The following CREBRF variants were observed in gnomAD, a reference collection of about 807,000 sequenced individuals.
The protein encoded by CREBRF is UPF0474 protein C5orf41.
Under a neutral mutation model 66.1 loss-of-function variants are expected in CREBRF, and 5 were observed. That is an observed-to-expected ratio of 0.08 (90% confidence interval 0.04 to 0.16). The LOEUF is 0.16. Ranked by LOEUF, CREBRF falls within the 10% of genes least tolerant of loss-of-function variation. The pLI is 1.00. For missense variants in CREBRF, 531 were observed against 744.9 expected (o/e 0.71, Z 3.34); for synonymous variants, 229 against 264.4 (o/e 0.87, Z 1.30).
At chr5:173,065,589 C>T (rs435216) in intron 1 of CREBRF, among the ~76,000 whole-genome samples, 55,814 of 146,302 alleles carry the variant, frequency 0.38, 11,379 homozygotes, top group Non-Finnish European at 0.45. Context: ...TTTATTTCAC[C>T]TCCCACCCTC....
chr5:173,073,971 T>TA (rs1474191319), intron 1 of CREBRF, among the ~76,000 whole-genome samples: 1 of 118,852 alleles, frequency 8.4e-6, no homozygotes, highest in South Asian at 2.6e-4. Flanking sequence ...GTCTAAAAAA[T>TA]AAAAAATAAA....
intron 6 of CREBRF, 117 bp downstream of exon 6, chr5:173,110,828 A>T: frequency 1.4e-6 from 1 of 693,062 alleles, no homozygotes; most frequent in South Asian, 2.7e-5. Context: ...TAAATACTAC[A>T]ATGAGAATAT....
chr5:173,075,460 TAGTA>T (rs1757731644), intron 1 of CREBRF, among the ~76,000 whole-genome samples: 2 of 152,200 alleles, frequency 1.3e-5, no homozygotes, highest in South Asian at 2.1e-4. Flanking sequence ...TGGCTTGACT[TAGTA>T]AGCATCTGAA....
At chr5:173,107,087 C>A (rs2562329) in intron 4 of CREBRF, among the ~76,000 whole-genome samples, 1 of 152,160 alleles carries the variant, frequency 6.6e-6, no homozygotes, top group Non-Finnish European at 1.5e-5. Context: ...TTCTCCACTG[C>A]CAATCCCTGG....
Position 173,137,052 on chromosome 5 carries a change from A to G in CREBRF, c.*3307A>G, listed in dbSNP as rs1010480993. ...GTCTCCATATGAAAGCATGCTGTCCAGTCGCTCTTGTTAAGATCTTGTCTG... is the reference window on the plus strand; with the variant it reads ...GTCTCCATATGAAAGCATGCTGTCCGGTCGCTCTTGTTAAGATCTTGTCTG... On this transcript the variant is annotated 3_prime_UTR_variant, in exon 9 of 9. Transcript: ENST00000296953. 2.6e-5 allele frequency: 4 copies of G among 152,042 alleles called. No homozygotes were observed. The highest frequency in any genetic ancestry group is 5.9e-5 in the Non-Finnish European group (4 of 67,910). 9.4% of individuals were successfully genotyped at this position (152,042 alleles called of 1,614,324 possible).
intron 8 of CREBRF, among the ~76,000 whole-genome samples, chr5:173,127,920 T>C (rs1453264117): frequency 6.6e-6 from 1 of 152,208 alleles, no homozygotes; most frequent in Admixed American, 6.5e-5. Context: ...CTTCTATATC[T>C]GTTGTTACTG....
In CREBRF at chr5:173,117,532, CTCCTCTT is replaced by C. The variant is rs1383211497; in HGVS notation, c.1681+5154_1681+5160del. 6.8e-4 allele frequency among the ~76,000 whole-genome samples: 47 copies of C among 68,934 alleles called. 1 individual carries two copies. The highest frequency in any genetic ancestry group is 8.2e-4 in the Non-Finnish European group (27 of 32,944). The allele number at this position is 68,934 out of a possible 152,430, so 45.2% of individuals were successfully genotyped here. ...TGCCTTCCCTTCCCTCCCCTCCCCT[CTCCTCTT>C]CCCTTCCCCTCCCCTCTTCCTCCCT... is the stretch of plus-strand genomic sequence containing the variant. On this transcript the variant is annotated intron_variant, in intron 7 of 8. Transcript: ENST00000296953.
At chr5:173,105,046 C>T (rs575613809) in intron 4 of CREBRF, among the ~76,000 whole-genome samples, 1 of 152,228 alleles carries the variant, frequency 6.6e-6, no homozygotes, top group East Asian at 1.9e-4. Flanking sequence ...CCCAGCTGTG[C>T]CAAATCATGT....
At chr5:173,083,767 A>G (rs1473392300) in intron 2 of CREBRF, among the ~76,000 whole-genome samples, 1 of 152,218 alleles carries the variant, frequency 6.6e-6, no homozygotes, top group Admixed American at 6.5e-5. Context: ...GCTAAGTGAA[A>G]GTACTCGATA....
At chr5:173,130,481 G>A (rs780295283) in intron 8 of CREBRF, among the ~76,000 whole-genome samples, 17 of 150,260 alleles carry the variant, frequency 1.1e-4, no homozygotes, top group Admixed American at 4.0e-4. Context: ...TATATGTTTC[G>A]TTCAACTGGA....
At chr5:173,058,037 CTT>C (rs562447555) in intron 1 of CREBRF, among the ~76,000 whole-genome samples, 10 of 142,918 alleles carry the variant, frequency 7.0e-5, no homozygotes, top group Admixed American at 7.0e-5. Flanking sequence ...CCTGGAATTT[CTT>C]TTTTTTTTTT....
intron 1 of CREBRF, among the ~76,000 whole-genome samples, chr5:173,064,559 AT>A (rs1217486982): frequency 0.17 from 18,836 of 107,798 alleles, 924 homozygotes; most frequent in African/African-American, 0.22. Context: ...CACCTGGTTA[AT>A]TTTTTTTTTT....
chr5:173,068,829 G>A (rs1207166480), intron 1 of CREBRF, among the ~76,000 whole-genome samples: 1 of 152,044 alleles, frequency 6.6e-6, no homozygotes, highest in Non-Finnish European at 1.5e-5. Flanking sequence ...AGCACTTTGG[G>A]AGGCCGAGGC....
At chr5:173,110,963 T>G (rs1238732603) in intron 6 of CREBRF, among the ~76,000 whole-genome samples, 4 of 152,332 alleles carry the variant, frequency 2.6e-5, no homozygotes, top group African/African-American at 9.6e-5. Flanking sequence ...TTTCATAGCT[T>G]TATTTTTTGT....
Position 173,108,681 on chromosome 5 carries a change from A to G in CREBRF, c.1280A>G (p.Lys427Arg). The change falls in exon 5 of 9, where the codon AAG (lysine) becomes AGG (arginine). Residue 427 changes from lysine (K) to arginine (R), a missense_variant. Physicochemically the swap from Lys to Arg is conservative, Grantham distance 26. This residue lies in a region of CREBRF where 309 missense variants were observed against 341.4 expected (regional missense o/e 0.90). Coordinates refer to ENST00000296953, the MANE Select transcript of CREBRF (RefSeq NM_153607.3). ...LKEVTSISSR[K>R]RGKRRYFWEY... ...GAGGTGACTTCAATATCTTCACGGA[A>G]GAGAGGTAAAAGAAGATACTTCTGG... The G allele has an allele frequency of 6.2e-7, 1 of 1,614,044 alleles. No individual in the cohort carries two copies. Among genetic ancestry groups the G allele is most frequent in the Non-Finnish European group, 8.5e-7 (1 of 1,179,962 alleles).
chr5:173,095,319 G>T (rs1030191371), intron 4 of CREBRF, among the ~76,000 whole-genome samples: 1 of 150,696 alleles, frequency 6.6e-6, no homozygotes, highest in African/African-American at 2.4e-5. Context: ...CTCCCAAGTA[G>T]CTGGGACTAC....
intron 1 of CREBRF, among the ~76,000 whole-genome samples, chr5:173,058,635 C>T: frequency 6.6e-6 from 1 of 151,316 alleles, no homozygotes; most frequent in Non-Finnish European, 1.5e-5. Flanking sequence ...AGGCGCCCGC[C>T]ATCACGCCCG....
intron 7 of CREBRF, among the ~76,000 whole-genome samples, chr5:173,122,852 G>T (rs1759173450): frequency 7.1e-6 from 1 of 140,264 alleles, no homozygotes; most frequent in Non-Finnish European, 1.5e-5. Context: ...TGCGGTGTTT[G>T]GTTTTTTGTC....
At chr5:173,119,668 A>G (rs952269697) in intron 7 of CREBRF, among the ~76,000 whole-genome samples, 1 of 152,152 alleles carries the variant, frequency 6.6e-6, no homozygotes, top group African/African-American at 2.4e-5. Context: ...ACAATATTAA[A>G]TAGAGTGGTG....
Sources: allele counts gnomAD v4.1 joint callset (sites outside exome capture counted in the v4.1 genomes callset), GRCh38; gene constraint gnomAD v4.1.1; regional missense constraint gnomAD v4.1.1; transcripts MANE v1.5; gene names NCBI Gene and HGNC (gene_info 2026-07-23, HGNC 2026-07-21).